Variants in DAB2 observed in about 807,000 individuals in gnomAD.
The protein encoded by DAB2 is disabled homolog 2.
Under a neutral mutation model 71.6 loss-of-function variants are expected in DAB2, and 28 were observed. The ratio of observed to expected loss-of-function variants is 0.39; its 90% CI spans 0.29 to 0.54. The LOEUF is 0.54. Ranked by LOEUF, DAB2 falls within the 20% of genes least tolerant of loss-of-function variation. The pLI, the probability that DAB2 is intolerant of heterozygous loss-of-function variation, is 0.68. For synonymous variants in DAB2, 345 were observed against 339.7 expected, an observed-to-expected ratio of 1.02 and a Z score of -0.17; for missense variants, 867 against 928.8, an observed-to-expected ratio of 0.93 and a Z score of 0.86.
chr5:39,381,707 G>A (rs1191127135), intron 10 of DAB2, 91 bp from the exon 11 acceptor site: 2 of 1,431,094 alleles, frequency 1.4e-6, no homozygotes, highest in Non-Finnish European at 9.5e-7. Flanking sequence ...ACCCCAATTT[G>A]AGAGCCACAA....
chr5:39,409,617 A>G (rs1755676718), intron 1 of DAB2, among the ~76,000 whole-genome samples: 1 of 152,196 alleles, frequency 6.6e-6, no homozygotes, highest in Non-Finnish European at 1.5e-5. Context: ...CATGTAAGTA[A>G]TCACCATTGA....
At chr5:39,411,591 T>C (rs749452361) in intron 1 of DAB2, among the ~76,000 whole-genome samples, 10 of 152,186 alleles carry the variant, frequency 6.6e-5, no homozygotes, top group African/African-American at 2.4e-4. Flanking sequence ...CTAGTCCTCC[T>C]ATGTAGGCAT....
chr5:39,418,814 TATTGCATTGAGA>T (rs1305689833), intron 1 of DAB2, among the ~76,000 whole-genome samples: 3 of 152,218 alleles, frequency 2.0e-5, no homozygotes, highest in African/African-American at 7.2e-5. Context: ...TCAGCTTAGT[TATTGCATTGAGA>T]ATTGCATTTC....
intron 3 of DAB2, among the ~76,000 whole-genome samples, 153 bp from the exon 4 acceptor site, chr5:39,392,616 G>A (rs1019393262): frequency 6.6e-6 from 1 of 152,142 alleles, no homozygotes; most frequent in African/African-American, 2.4e-5. Flanking sequence ...ACAGCAAGAC[G>A]GCATAGAAGA....
At chr5:39,419,690 GAAGT>G (rs1310618572) in intron 1 of DAB2, among the ~76,000 whole-genome samples, 1 of 152,128 alleles carries the variant, frequency 6.6e-6, no homozygotes, top group Non-Finnish European at 1.5e-5. Flanking sequence ...CTTTTTAAAA[GAAGT>G]AAGTGGGACA....
intron 5 of DAB2, 146 bp downstream of exon 5, chr5:39,390,298 T>C (rs1387763202): frequency 5.8e-6 from 6 of 1,041,724 alleles, no homozygotes; most frequent in African/African-American, 3.2e-5. Context: ...AAAGATTCCA[T>C]AGGCCAATAA....
chr5:39,379,845 G>A (rs190602440), intron 11 of DAB2, among the ~76,000 whole-genome samples: 1 of 152,152 alleles, frequency 6.6e-6, no homozygotes, highest in East Asian at 1.9e-4. Flanking sequence ...GTAGAGCTCA[G>A]TTTGAGTCCC....
At chr5:39,411,253 A>G (rs548880702) in intron 1 of DAB2, among the ~76,000 whole-genome samples, 1 of 152,268 alleles carries the variant, frequency 6.6e-6, no homozygotes, top group East Asian at 1.9e-4. Flanking sequence ...CTACCCGGGA[A>G]TGTCAACATC....
At chr5:39,412,559 A>G (rs1755756535) in intron 1 of DAB2, among the ~76,000 whole-genome samples, 1 of 152,350 alleles carries the variant, frequency 6.6e-6, no homozygotes, top group South Asian at 2.1e-4. Flanking sequence ...GACTTTCAGA[A>G]GATGAAAAAT....
chr5:39,376,541 G>A, intron 12 of DAB2, 109 bp downstream of exon 12: 3 of 1,302,672 alleles, frequency 2.3e-6, no homozygotes, highest in Non-Finnish European at 3.2e-6. Context: ...ACAGAAGCAA[G>A]AGCAAAGCTG....
chr5:39,391,194 G>T (rs1051435829), intron 4 of DAB2, among the ~76,000 whole-genome samples: 1 of 152,236 alleles, frequency 6.6e-6, no homozygotes, highest in African/African-American at 2.4e-5. Context: ...ATTATAAGGG[G>T]TGGGGACTGT....
At chr5:39,403,434 A>C (rs2548175) in intron 1 of DAB2, among the ~76,000 whole-genome samples, 1 of 152,186 alleles carries the variant, frequency 6.6e-6, no homozygotes, top group African/African-American at 2.4e-5. Flanking sequence ...CAGATATACC[A>C]AGCAAAAGAA....
intron 11 of DAB2, among the ~76,000 whole-genome samples, chr5:39,378,862 C>T (rs895001993): frequency 7.2e-5 from 11 of 152,258 alleles, no homozygotes; most frequent in African/African-American, 1.9e-4. Flanking sequence ...ACTTATTTCA[C>T]GGATACAGAA....
chr5:39,390,847 G>T (rs1262824423), intron 4 of DAB2, among the ~76,000 whole-genome samples: 1 of 152,136 alleles, frequency 6.6e-6, no homozygotes, highest in African/African-American at 2.4e-5. Flanking sequence ...ATGCCACATA[G>T]CCAGGAAGGA....
chr5:39,391,973 A>AT (rs1561371460), intron 4 of DAB2, among the ~76,000 whole-genome samples: 139 of 145,350 alleles, frequency 9.6e-4, no homozygotes, highest in African/African-American at 3.3e-3. Flanking sequence ...GTCAAAAAAA[A>AT]AAAAAAAAAT....
intron 11 of DAB2, among the ~76,000 whole-genome samples, chr5:39,379,410 C>T (rs1754904411): frequency 7.1e-6 from 1 of 141,006 alleles, no homozygotes; most frequent in East Asian, 2.1e-4. Flanking sequence ...CACCACTGCA[C>T]TCCAGCCTGG....
chr5:39,416,411 C>T (rs1755847694), intron 1 of DAB2, among the ~76,000 whole-genome samples: 1 of 152,090 alleles, frequency 6.6e-6, no homozygotes, highest in African/African-American at 2.4e-5. Flanking sequence ...GGCCTCCTAG[C>T]TTTCCTGATT....
intron 1 of DAB2, among the ~76,000 whole-genome samples, chr5:39,421,397 C>G (rs1218829406): frequency 1.3e-5 from 2 of 152,094 alleles, no homozygotes; most frequent in Non-Finnish European, 2.9e-5. Flanking sequence ...CCCAGCAATC[C>G]TGGGGTAGGT....
In DAB2 at chr5:39,424,921, G is replaced by A. The variant is rs1352218675; in HGVS notation, c.-219C>T. On this transcript the variant is annotated 5_prime_UTR_variant, in exon 1 of 15. Transcript: ENST00000320816. ...ATAGCCGCCGGCCGGGAGCTTCGGA[G>A]CCGCGCGGCCACTCCCGGCGAGAGA... 6.6e-6 allele frequency: 1 copy of A among 152,528 alleles called. No homozygotes were observed. Among genetic ancestry groups the A allele is most frequent in the Non-Finnish European group, 1.5e-5 (1 of 68,090 alleles). The allele number at this position is 152,528 out of a possible 1,614,324, so 9.4% of individuals were successfully genotyped here. A position where few individuals can be genotyped will look rare whatever the true frequency, so the allele number is the denominator to read the frequency against.
Sources: gnomAD v4.1 joint callset for allele counts (sites outside exome capture counted in the v4.1 genomes callset) on GRCh38, gnomAD v4.1.1 for gene constraint, MANE v1.5 for transcripts, NCBI Gene and HGNC (gene_info 2026-07-23, HGNC 2026-07-21) for gene names.